SPTAN1: variants seen among roughly 807,000 people sequenced by gnomAD.
SPTAN1 encodes spectrin alpha chain, non-erythrocytic 1.
SPTAN1 carries 61 observed loss-of-function variants against 331.3 expected under a neutral mutation model. That is an observed-to-expected ratio of 0.18 (90% CI 0.15 to 0.23). The LOEUF is 0.23. Ranked by LOEUF, SPTAN1 falls within the 10% of genes least tolerant of loss-of-function variation. The pLI is 1.00. For synonymous variants in SPTAN1, 1,153 were observed against 1,173.9 expected (o/e 0.98, Z 0.36); for missense variants, 2,043 against 3,147.9 (o/e 0.65, Z 8.40).
chr9:128,565,973 CAT>C (rs904621100), intron 1 of SPTAN1, among the ~76,000 whole-genome samples: 27 of 152,220 alleles, frequency 1.8e-4, no homozygotes, highest in African/African-American at 6.5e-4. Flanking sequence ...TGTGAGGTCA[CAT>C]GTTGCTGACA....
At chr9:128,576,057 C>T (rs899007585) in intron 5 of SPTAN1, among the ~76,000 whole-genome samples, 1 of 152,196 alleles carries the variant, frequency 6.6e-6, no homozygotes, top group Non-Finnish European at 1.5e-5. Flanking sequence ...ATATCTCACC[C>T]TTCCACAGTG....
Position 128,577,524 on chromosome 9 carries a change from G to T in SPTAN1, c.1085+18G>T. On this transcript the variant is annotated intron_variant, in intron 8 of 56. Transcript: ENST00000372739. The surrounding 1 kb of genome is among the most constrained non-coding windows in gnomAD (Gnocchi z 4.2). ...TCATACAGGTGCAAATAATGCTCCA[G>T]GTCTTAACCAGTATCATTTGGCTTC... is the stretch of plus-strand genomic sequence containing the variant. 1 of 1,612,970 alleles carries T rather than the reference G, an allele frequency of 6.2e-7. No individual in the cohort carries two copies. The highest frequency in any genetic ancestry group is 8.5e-7 in the Non-Finnish European group (1 of 1,180,036).
At position 128,582,758 on chromosome 9, in the gene SPTAN1, C is replaced by T; in HGVS notation, c.1715C>T (p.Ser572Phe). The T allele has an allele frequency of 6.2e-7, 1 of 1,614,104 alleles. No individual in the cohort carries two copies. Residue 572 changes from serine to phenylalanine, a missense_variant, in exon 14 of 57, where the codon TCT (serine) becomes TTT (phenylalanine). Physicochemically the swap from Ser to Phe is radical, Grantham distance 155. Around this residue, in one of 12 missense-constraint regions of SPTAN1, gnomAD observed 1,038 missense variants for 1,531.5 expected, o/e 0.68. Coordinates refer to ENST00000372739, the MANE Select transcript of SPTAN1 (RefSeq NM_001130438.3). ...CGTCGCCGGGCCCAGCTAGCCGATT[C>T]TTTCCATCTGCAGCAGTTTTTCCGT... is the stretch of plus-strand genomic sequence containing the variant. ...AMRRRAQLAD[S>F]FHLQQFFRDS...
In SPTAN1 at chr9:128,633,407, C is replaced by T. The variant is rs1328316027; in HGVS notation, c.*73C>T. Reference sequence around the variant, plus strand: ...TGCTGCATGTCCGCTCCTCTGTGTGCTCTCACTTTCCACTGTAACCTTAAG... The same window carrying T: ...TGCTGCATGTCCGCTCCTCTGTGTGTTCTCACTTTCCACTGTAACCTTAAG... On this transcript the variant is annotated 3_prime_UTR_variant, in exon 57 of 57. Transcript: ENST00000372739. The T allele has an allele frequency of 6.2e-7, 1 of 1,606,360 alleles. No homozygotes were observed. Among genetic ancestry groups the T allele is most frequent in the South Asian group, 1.1e-5 (1 of 90,968 alleles).
Position 128,627,294 on chromosome 9 carries a change from G to A in SPTAN1, c.6577-92G>A. Reference sequence around the variant, plus strand: ...TCATCTTTGGGGAGGTTCCTTGTGGGGAGGCCACCACCACCCTGAGCCCAT... The same window carrying A: ...TCATCTTTGGGGAGGTTCCTTGTGGAGAGGCCACCACCACCCTGAGCCCAT... On this transcript the variant is annotated intron_variant, in intron 49 of 56. Transcript: ENST00000372739. The surrounding 1 kb of genome is among the most constrained non-coding windows in gnomAD (Gnocchi z 4.9). 2.6e-6 allele frequency: 3 copies of A among 1,157,870 alleles called. No individual in the cohort carries two copies. Among genetic ancestry groups the A allele is most frequent in the Non-Finnish European group, 3.8e-6 (3 of 798,778 alleles). The allele number at this position is 1,157,870 out of a possible 1,614,324, so 71.7% of individuals were successfully genotyped here.
chr9:128,632,321 C>T lies in SPTAN1; in HGVS notation c.6957C>T (p.Ala2319=). The T allele has an allele frequency of 1.2e-6, 2 of 1,613,560 alleles. No individual in the cohort carries two copies. Among genetic ancestry groups the T allele is most frequent in the Non-Finnish European group, 1.7e-6 (2 of 1,179,954 alleles). The change falls in exon 53 of 57, where the codon GCC becomes GCT. Residue 2319 remains alanine (A), a splice_region_variant and synonymous_variant. Transcript: ENST00000372739. ...MQHNLEQQIQ[A]RNTTGVTEEA... is the part of the protein sequence containing the mutation. ...ACAACCTGGAGCAGCAGATCCAGGC[C>T]AGGTACCCGGGAGGGCTGTGGGCCA...
rs1853916394 is a variant in SPTAN1, at chr9:128,594,205, G to C, written c.3246G>C (p.Lys1082Asn). ...LYHSLLELGE[K>N]RKGMLEKSCK... ...ATTCTCTGCTGGAACTGGGTGAGAA[G>C]CGTAAAGGCATGTTGGAGAAGAGTT... The change falls in exon 24 of 57, where the codon AAG (lysine) becomes AAC (asparagine). Residue 1082 changes from lysine (K) to asparagine (N), a missense_variant. Physicochemically the swap from Lys to Asn is moderately conservative, Grantham distance 94. Coordinates refer to ENST00000372739, the MANE Select transcript of SPTAN1 (RefSeq NM_001130438.3). The C allele has an allele frequency of 6.2e-7, 1 of 1,614,044 alleles. No individual in the cohort carries two copies. The highest frequency in any genetic ancestry group is 1.7e-5 in the Admixed American group (1 of 59,992).
chr9:128,578,053 A>G, intron 8 of SPTAN1, 57 bp from the exon 9 acceptor site: 1 of 1,608,972 alleles, frequency 6.2e-7, no homozygotes, highest in Non-Finnish European at 8.5e-7. Context: ...TAGGGAGGCC[A>G]TTTTCCACCC....
At chr9:128,565,865 T>G (rs1193535538) in intron 1 of SPTAN1, among the ~76,000 whole-genome samples, 1 of 152,192 alleles carries the variant, frequency 6.6e-6, no homozygotes, top group African/African-American at 2.4e-5. Context: ...CTCTATAGGC[T>G]GTAATTTTGA....
intron 3 of SPTAN1, among the ~76,000 whole-genome samples, chr9:128,572,696 A>G (rs1850873145): frequency 6.6e-6 from 1 of 152,194 alleles, no homozygotes; most frequent in African/African-American, 2.4e-5. Context: ...TAGCAGAGGA[A>G]GGTGGGTGGC....
chr9:128,627,258 G>A lies in SPTAN1; in HGVS notation c.6577-128G>A. ...CTCTGAGCCGGCCTCATGTCTCCCA[G>A]CCTCCTCCTCTCATCTTTGGGGAGG... On this transcript the variant is annotated intron_variant, in intron 49 of 56. Coordinates refer to ENST00000372739, the MANE Select transcript of SPTAN1 (RefSeq NM_001130438.3). The surrounding 1 kb of genome is among the most constrained non-coding windows in gnomAD (Gnocchi z 4.9). 1 of 800,366 alleles carries A rather than the reference G, an allele frequency of 1.2e-6. No homozygotes were observed. The highest frequency in any genetic ancestry group is 2.1e-6 in the Non-Finnish European group (1 of 482,892). The allele number at this position is 800,366 out of a possible 1,614,324, so 49.6% of individuals were successfully genotyped here. A position where few individuals can be genotyped will look rare whatever the true frequency, so the allele number is the denominator to read the frequency against.
intron 1 of SPTAN1, among the ~76,000 whole-genome samples, chr9:128,565,899 G>T (rs776993477): frequency 4.6e-5 from 7 of 152,160 alleles, no homozygotes; most frequent in Non-Finnish European, 1.0e-4. Context: ...TTGAGAGCAC[G>T]TCGTTTTTCC....
intron 23 of SPTAN1, 130 bp from the exon 24 acceptor site, chr9:128,594,045 A>G: frequency 2.4e-6 from 2 of 832,840 alleles, no homozygotes; most frequent in South Asian, 1.4e-5. Flanking sequence ...CTCTGTTACT[A>G]GGGCATCATC....
rs1858921624 is a variant in SPTAN1, at chr9:128,627,315, C to CCCA, written c.6577-70_6577-68dup. 4 of 1,391,794 alleles carry CCCA rather than the reference C, an allele frequency of 2.9e-6. No individual in the cohort carries two copies. The highest frequency in any genetic ancestry group is 4.0e-6 in the Non-Finnish European group (4 of 1,005,364). 86.2% of individuals were successfully genotyped at this position (1,391,794 alleles called of 1,614,324 possible). A position where few individuals can be genotyped will look rare whatever the true frequency, so the allele number is the denominator to read the frequency against. On this transcript the variant is annotated intron_variant, in intron 49 of 56. Transcript: ENST00000372739. The surrounding 1 kb of genome is among the most constrained non-coding windows in gnomAD (Gnocchi z 4.9). Reference sequence around the variant, plus strand: ...GTGGGGAGGCCACCACCACCCTGAGCCCATCTGTGAAGGAGGGGCTGGTGT... The same window carrying CCCA: ...GTGGGGAGGCCACCACCACCCTGAGCCCACCATCTGTGAAGGAGGGGCTGGTGT...
intron 18 of SPTAN1, among the ~76,000 whole-genome samples, chr9:128,585,444 G>C (rs1467610286): frequency 1.3e-5 from 2 of 152,292 alleles, no homozygotes; most frequent in African/African-American, 4.8e-5. Flanking sequence ...GCACGTGCCA[G>C]TCTCAGTAAC....
chr9:128,575,113 C>A, intron 4 of SPTAN1, 86 bp from the exon 5 acceptor site: 2 of 1,565,804 alleles, frequency 1.3e-6, no homozygotes. Flanking sequence ...ATGGCTCCGT[C>A]CCTAATGTGT....
At position 128,591,278 on chromosome 9, in the gene SPTAN1, G is replaced by T. The variant is rs184324003; in HGVS notation, c.3007-199G>T. Among the ~76,000 whole-genome samples, 494 of 152,002 alleles carry T rather than the reference G, an allele frequency of 3.2e-3. 4 individuals carry two copies. The highest frequency in any genetic ancestry group is 0.01 in the Middle Eastern group (3 of 294). On this transcript the variant is annotated intron_variant, in intron 21 of 56. Transcript: ENST00000372739. ...AGACGGGGTTTCACTGTGTTGGCCA[G>T]GATGGTCTCCATCTCCTGACCTCGT...
At chr9:128,562,712 T>TATC (rs79022250) in intron 1 of SPTAN1, among the ~76,000 whole-genome samples, 1 of 150,608 alleles carries the variant, frequency 6.6e-6, no homozygotes, top group Non-Finnish European at 1.5e-5. Context: ...CATTAAATAT[T>TATC]ACAAAACTTT....
intron 3 of SPTAN1, among the ~76,000 whole-genome samples, chr9:128,570,340 T>A (rs1393595708): frequency 0.048 from 1,166 of 24,472 alleles, 2 homozygotes; most frequent in Middle Eastern, 0.11. Flanking sequence ...ATTTTTTTTT[T>A]TTTTTTTTTT....
Sources: allele counts gnomAD v4.1 joint callset (sites outside exome capture counted in the v4.1 genomes callset), GRCh38; gene constraint gnomAD v4.1.1; regional missense constraint gnomAD v4.1.1; non-coding constraint Gnocchi (gnomAD v3.1); transcripts MANE v1.5; gene names NCBI Gene and HGNC (gene_info 2026-07-23, HGNC 2026-07-21).